DPP6: variants seen among roughly 807,000 people sequenced by gnomAD.
The protein encoded by DPP6 is dipeptidyl peptidase like 6, also known as A-type potassium channel modulatory protein DPP6.
DPP6 carries 69 observed loss-of-function variants against 122.6 expected under a neutral mutation model. That is an observed-to-expected ratio of 0.56 (90% confidence interval 0.46 to 0.69). DPP6 has a LOEUF of 0.69. Ranked by LOEUF, DPP6 falls within the 30% of genes least tolerant of loss-of-function variation. The probability of loss-of-function intolerance (pLI) is 0.00; values close to 1 mark genes in which losing one functional copy is unlikely to be tolerated. For missense variants in DPP6, 928 were observed against 1,116.9 expected (o/e 0.83, Z 2.41); for synonymous variants, 418 against 433.1 (o/e 0.97, Z 0.43).
At chr7:154,182,830 C>T (rs989105944) in intron 1 of DPP6, among the ~76,000 whole-genome samples, 2 of 152,182 alleles carry the variant, frequency 1.3e-5, no homozygotes, top group South Asian at 2.1e-4. Flanking sequence ...AGCGCATTCC[C>T]GAGGAGGCAC....
chr7:154,573,687 G>A (rs1307919826), intron 5 of DPP6, among the ~76,000 whole-genome samples: 1 of 152,220 alleles, frequency 6.6e-6, no homozygotes, highest in African/African-American at 2.4e-5. Flanking sequence ...TACTACATGA[G>A]ATTATCAAAA....
intron 1 of DPP6, among the ~76,000 whole-genome samples, chr7:154,437,822 G>T (rs755310174): frequency 6.6e-6 from 1 of 152,218 alleles, no homozygotes; most frequent in South Asian, 2.1e-4. Flanking sequence ...TGTAATCCGT[G>T]TTACTTGGGA....
chr7:153,785,682 G>A, the DPP6 span, among the ~76,000 whole-genome samples: 1 of 151,800 alleles, frequency 6.6e-6, no homozygotes, highest in Non-Finnish European at 1.5e-5. Context: ...TTGCTCTGTT[G>A]CCCAGGCTGG....
At chr7:154,130,431 C>T (rs969353560) in intron 1 of DPP6, among the ~76,000 whole-genome samples, 2 of 152,128 alleles carry the variant, frequency 1.3e-5, no homozygotes, top group Admixed American at 6.5e-5. Flanking sequence ...ACACTATCTA[C>T]CCTGATTTCA....
chr7:154,508,159 C>A (rs558212571), intron 3 of DPP6, among the ~76,000 whole-genome samples: 1 of 152,268 alleles, frequency 6.6e-6, no homozygotes, highest in South Asian at 2.1e-4. Flanking sequence ...CGAACTCTTG[C>A]CTTCCAGCTT....
At chr7:154,275,725 C>G (rs553445808) in intron 1 of DPP6, among the ~76,000 whole-genome samples, 1 of 152,194 alleles carries the variant, frequency 6.6e-6, no homozygotes, top group Non-Finnish European at 1.5e-5. Flanking sequence ...CTCTGTGAGA[C>G]GTTGTGGGGA....
At chr7:153,935,607 T>C (rs2129014874) in intron 1 of DPP6, among the ~76,000 whole-genome samples, 1 of 152,286 alleles carries the variant, frequency 6.6e-6, no homozygotes, top group Admixed American at 6.5e-5. Flanking sequence ...TTGGTACATG[T>C]CATTTTGTTT....
At chr7:154,305,572 CCGTGTGTGTGTGTGTG>C in intron 1 of DPP6, 1 of 1,587,422 alleles carries the variant, frequency 6.3e-7, no homozygotes, top group Middle Eastern at 1.7e-4. Flanking sequence ...TTTTGGGGGT[CCGTGTGTGTGTGTGTG>C]CGTGCGTGTG....
intron 10 of DPP6, among the ~76,000 whole-genome samples, chr7:154,791,695 T>G (rs1302391937): frequency 6.6e-6 from 1 of 152,234 alleles, no homozygotes; most frequent in Non-Finnish European, 1.5e-5. Context: ...TGCCTCCTTC[T>G]AAAGCCATGA....
rs561710836 is a variant in DPP6, at chr7:154,027,732, C to T, written c.51+139998C>T. Among the ~76,000 whole-genome samples the T allele has an allele frequency of 5.3e-5, 8 of 151,892 alleles. No individual in the cohort carries two copies. In the South Asian group the frequency reaches 1.5e-3, roughly 28 times the overall value. ...TTTGCTGTCTTATTTGTTCTCCCTGCTTGTTCTCGCTCATCTGGGCAGGTG... is the reference window on the plus strand; with the variant it reads ...TTTGCTGTCTTATTTGTTCTCCCTGTTTGTTCTCGCTCATCTGGGCAGGTG... On this transcript the variant is annotated intron_variant, in intron 1 of 25. Transcript: ENST00000404039.
Position 154,875,982 on chromosome 7 carries a change from G to A in DPP6, c.1960G>A (p.Gly654Ser), listed in dbSNP as rs150218787. The change falls in exon 20 of 26, where the codon GGC becomes AGC. Residue 654 changes from glycine to serine, a missense_variant. Physicochemically the swap from Gly to Ser is moderately conservative, Grantham distance 56. Coordinates refer to ENST00000377770, the MANE Select transcript of DPP6 (RefSeq NM_130797.4). The surrounding 1 kb of genome is among the most constrained non-coding windows in gnomAD (Gnocchi z 4.5). Reference sequence around the variant, plus strand: ...GGAGACGGTGATGGTGAGCAGCCACGGCGCGGTGGTGGTAAAGTGTGACGG... The same window carrying A: ...GGAGACGGTGATGGTGAGCAGCCACAGCGCGGTGGTGGTAAAGTGTGACGG... ...SWETVMVSSH[G>S]AVVVKCDGRG... 2,253 of 1,613,572 alleles carry A rather than the reference G, an allele frequency of 1.4e-3. 26 individuals carry two copies. In the African/African-American group the frequency reaches 0.026, roughly 19 times the overall value.
intron 1 of DPP6, among the ~76,000 whole-genome samples, chr7:154,134,097 C>T (rs1795424436): frequency 6.6e-6 from 1 of 151,994 alleles, no homozygotes; most frequent in Non-Finnish European, 1.5e-5. Flanking sequence ...AGAACACTTC[C>T]TCCCACTATG....
At chr7:154,052,144 C>T (rs1475028371), upstream of DPP6, among the ~76,000 whole-genome samples, 1 of 151,104 alleles carries the variant, frequency 6.6e-6, no homozygotes, top group Non-Finnish European at 1.5e-5. This position sits in a 1 kb window ranked among gnomAD's most constrained non-coding sequence, Gnocchi z 4.8. Context: ...TCGGTGGGGC[C>T]GCAGCACCCT....
intron 1 of DPP6, among the ~76,000 whole-genome samples, chr7:154,031,792 T>C (rs1414381068): frequency 6.6e-6 from 1 of 151,480 alleles, no homozygotes; most frequent in Non-Finnish European, 1.5e-5. Context: ...AAGTAAATTA[T>C]CAAATTTGCA....
the DPP6 span, among the ~76,000 whole-genome samples, chr7:153,760,602 A>G: frequency 6.6e-6 from 1 of 152,158 alleles, no homozygotes; most frequent in African/African-American, 2.4e-5. Context: ...TACTGGGTGG[A>G]AATGTAATAT....
At chr7:154,782,075 C>A (rs919847041) in intron 10 of DPP6, among the ~76,000 whole-genome samples, 1 of 152,208 alleles carries the variant, frequency 6.6e-6, no homozygotes, top group Admixed American at 6.5e-5. Context: ...TGCTCCCCCA[C>A]GTAATCCATG....
chr7:154,775,264 T>C (rs1796490571), intron 10 of DPP6, among the ~76,000 whole-genome samples: 1 of 152,162 alleles, frequency 6.6e-6, no homozygotes, highest in Admixed American at 6.5e-5. Context: ...ATAATTTTAA[T>C]AAGAAACATG....
chr7:154,334,190 A>G (rs1033806632), intron 1 of DPP6, among the ~76,000 whole-genome samples: 2 of 21,422 alleles, frequency 9.3e-5, no homozygotes, highest in Admixed American at 5.2e-4. Flanking sequence ...AGAAAATGGA[A>G]AAAAAAAAAA....
At chr7:153,984,511 A>ACC (rs1187703282) in intron 1 of DPP6, among the ~76,000 whole-genome samples, 1 of 152,238 alleles carries the variant, frequency 6.6e-6, no homozygotes, top group East Asian at 1.9e-4. Context: ...TGATTTGTGC[A>ACC]TGAAACTGCC....
Sources: gnomAD v4.1 joint callset for allele counts (sites outside exome capture counted in the v4.1 genomes callset) on GRCh38, gnomAD v4.1.1 for gene constraint, Gnocchi (gnomAD v3.1) non-coding constraint, MANE v1.5 for transcripts, NCBI Gene and HGNC (gene_info 2026-07-23, HGNC 2026-07-21) for gene names.